N4BP1: variants seen among roughly 807,000 people sequenced by gnomAD.
N4BP1 encodes NEDD4 binding protein 1, also known as NEDD4-binding protein 1.
In N4BP1, 21 loss-of-function variants were observed where a neutral mutation model predicts 70.9. The ratio of observed to expected loss-of-function variants is 0.30; its 90% CI spans 0.21 to 0.43. The LOEUF is 0.43. N4BP1 is among the 20% of genes least tolerant of loss of function. The pLI, the probability that N4BP1 is intolerant of heterozygous loss-of-function variation, is 1.00. For synonymous variants in N4BP1, 387 were observed against 394.6 expected (o/e 0.98, Z 0.23); for missense variants, 936 against 1,069.4 (o/e 0.88, Z 1.74).
At position 48,600,514 on chromosome 16, in the gene N4BP1, A is replaced by G. The variant is rs114850617; in HGVS notation, c.198+9261T>C. 1.6e-3 allele frequency: 949 copies of G among 594,686 alleles called. 4 individuals are homozygous for G. Among genetic ancestry groups the G allele is most frequent in the African/African-American group, 0.015 (835 of 54,180 alleles). 36.8% of individuals were successfully genotyped at this position (594,686 alleles called of 1,614,324 possible). A position where few individuals can be genotyped will look rare whatever the true frequency, so the allele number is the denominator to read the frequency against. ...AACAGATTGAAGAAAAATAAGAGCT[A>G]CAGAAAGTTCAGGATATCAAACAGG... On this transcript the variant is annotated intron_variant, in intron 1 of 6. Coordinates refer to ENST00000262384, the MANE Select transcript of N4BP1 (RefSeq NM_153029.4).
intron 1 of N4BP1, among the ~76,000 whole-genome samples, chr16:48,591,300 C>A (rs1964333729): frequency 6.6e-6 from 1 of 151,904 alleles, no homozygotes; most frequent in Non-Finnish European, 1.5e-5. Context: ...AGGGTCCCAC[C>A]CCCACCCCAA....
intron 1 of N4BP1, among the ~76,000 whole-genome samples, chr16:48,599,537 T>G (rs1227647036): frequency 6.6e-6 from 1 of 152,248 alleles, no homozygotes; most frequent in Non-Finnish European, 1.5e-5. Context: ...GCACCTGTAC[T>G]CATTTCCTCC....
intron 1 of N4BP1, 71 bp downstream of exon 1, chr16:48,609,704 G>A (rs1056506992): frequency 8.4e-7 from 1 of 1,196,010 alleles, no homozygotes; most frequent in Non-Finnish European, 1.1e-6. Context: ...GGCGGGGGCG[G>A]GGAGGAGCGG....
chr16:48,593,706 A>C (rs1964369523), intron 1 of N4BP1, among the ~76,000 whole-genome samples: 1 of 152,230 alleles, frequency 6.6e-6, no homozygotes, highest in Admixed American at 6.5e-5. Context: ...TAGATTTGTA[A>C]AATGCTATTA....
chr16:48,576,340 C>G (rs1194736936), intron 1 of N4BP1, among the ~76,000 whole-genome samples: 1 of 152,028 alleles, frequency 6.6e-6, no homozygotes, highest in Non-Finnish European at 1.5e-5. Flanking sequence ...TTTCTTTAAC[C>G]TCATCTCTAA....
Position 48,562,358 on chromosome 16 carries a change from C to A in N4BP1, c.285G>T (p.Glu95Asp). 1 of 1,613,852 alleles carries A rather than the reference C, an allele frequency of 6.2e-7. No individual in the cohort carries two copies. The highest frequency in any genetic ancestry group is 8.5e-7 in the Non-Finnish European group (1 of 1,179,828). ...KDMHCIFVGA[E>D]SLFLKSLIQD... The stretch of plus-strand genomic sequence containing the variant: ...GAATCAAGCTTTTCAGAAACAGGCT[C>A]TCTGCCCCAACAAAAATGCAGTGCA... Residue 95 changes from glutamate to aspartate, a missense_variant, in exon 2 of 7, where the codon GAG becomes GAT. Around this residue, in one of 4 missense-constraint regions of N4BP1, gnomAD observed 187 missense variants for 217.1 expected, o/e 0.86. Coordinates refer to ENST00000262384, the MANE Select transcript of N4BP1 (RefSeq NM_153029.4).
chr16:48,544,368 G>A (rs1963560071), intron 6 of N4BP1, among the ~76,000 whole-genome samples: 1 of 152,176 alleles, frequency 6.6e-6, no homozygotes, highest in African/African-American at 2.4e-5. Flanking sequence ...AGTGGTTCCT[G>A]TTGCAAATGG....
At chr16:48,545,532 C>T (rs777502263) in intron 6 of N4BP1, among the ~76,000 whole-genome samples, 9 of 150,078 alleles carry the variant, frequency 6.0e-5, no homozygotes, top group South Asian at 4.2e-4. Flanking sequence ...GAGCCAAGAT[C>T]GCGCCATTGT....
In N4BP1 at chr16:48,551,439, A is replaced by G; in HGVS notation, c.2064T>C (p.Ser688=). ...LTQLQELGIL[S]LTPARMVFGE... is the part of the protein sequence containing the mutation. ...CAAAGACCATCCGGGCAGGAGTTAA[A>G]GATAATATTCCGAGCTCCTGGAGCT... Residue 688 remains serine, a synonymous_variant, in exon 4 of 7, where the codon TCT becomes TCC. Transcript: ENST00000262384. The G allele has an allele frequency of 6.2e-7, 1 of 1,613,678 alleles. No individual in the cohort carries two copies. The highest frequency in any genetic ancestry group is 2.2e-5 in the East Asian group (1 of 44,866).
chr16:48,550,111 C>T (rs1017989559), intron 4 of N4BP1, among the ~76,000 whole-genome samples: 3 of 152,176 alleles, frequency 2.0e-5, no homozygotes, highest in Non-Finnish European at 2.9e-5. Context: ...CTTATGCACA[C>T]GTCTTCTCAA....
At chr16:48,586,898 C>A (rs989024114) in intron 1 of N4BP1, among the ~76,000 whole-genome samples, 3 of 151,850 alleles carry the variant, frequency 2.0e-5, no homozygotes, top group African/African-American at 7.3e-5. Context: ...ACACACTTTA[C>A]AAGATAGAAT....
At chr16:48,554,104 A>G (rs1425845000) in intron 2 of N4BP1, among the ~76,000 whole-genome samples, 1 of 152,180 alleles carries the variant, frequency 6.6e-6, no homozygotes, top group Non-Finnish European at 1.5e-5. Flanking sequence ...GTTGAGGGCA[A>G]GACTCAAATG....
At chr16:48,596,388 G>A (rs532342394) in intron 1 of N4BP1, among the ~76,000 whole-genome samples, 3 of 152,250 alleles carry the variant, frequency 2.0e-5, no homozygotes, top group Non-Finnish European at 4.4e-5. Context: ...CCTGGCTTGC[G>A]TGAGTACACT....
chr16:48,555,439 C>A (rs1244176489), intron 2 of N4BP1, among the ~76,000 whole-genome samples: 1 of 152,222 alleles, frequency 6.6e-6, no homozygotes, highest in African/African-American at 2.4e-5. Context: ...ATCTAATGCT[C>A]TGTGAGATTC....
chr16:48,564,959 A>G (rs1343608727), intron 1 of N4BP1, among the ~76,000 whole-genome samples: 5 of 152,150 alleles, frequency 3.3e-5, no homozygotes, highest in Admixed American at 2.6e-4. Context: ...TTTGGTTTCT[A>G]TGTGTCCACT....
At chr16:48,546,768 T>G (rs1963597110) in intron 5 of N4BP1, among the ~76,000 whole-genome samples, 1 of 152,204 alleles carries the variant, frequency 6.6e-6, no homozygotes, top group Admixed American at 6.5e-5. Flanking sequence ...TAAAATAATT[T>G]TTAAAAGTCC....
intron 1 of N4BP1, among the ~76,000 whole-genome samples, chr16:48,581,654 C>T (rs1010187338): frequency 2.6e-5 from 4 of 151,964 alleles, no homozygotes; most frequent in Non-Finnish European, 4.4e-5. Flanking sequence ...ACACAGAAAA[C>T]GAAAACACTG....
At chr16:48,553,436 G>A (rs1246290950) in intron 3 of N4BP1, 103 bp downstream of exon 3, 6 of 1,170,072 alleles carry the variant, frequency 5.1e-6, no homozygotes, top group South Asian at 2.9e-5. Flanking sequence ...TTTTAAAGCC[G>A]CTGCCTATGG....
At chr16:48,547,218 T>C (rs899987989) in intron 5 of N4BP1, among the ~76,000 whole-genome samples, 3 of 152,210 alleles carry the variant, frequency 2.0e-5, no homozygotes, top group African/African-American at 7.2e-5. Flanking sequence ...TTACTATATA[T>C]TAGTTATACT....
Sources: gnomAD v4.1 joint callset for allele counts (sites outside exome capture counted in the v4.1 genomes callset) on GRCh38, gnomAD v4.1.1 for gene constraint, gnomAD v4.1.1 regional missense constraint, MANE v1.5 for transcripts, NCBI Gene and HGNC (gene_info 2026-07-23, HGNC 2026-07-21) for gene names.